SYK: variants seen among roughly 807,000 people sequenced by gnomAD.
The protein encoded by SYK is spleen associated tyrosine kinase.
In SYK, 16 loss-of-function variants were observed where a neutral mutation model predicts 77.8. The observed-to-expected ratio is 0.21, with a 90% CI of 0.14 to 0.31. The LOEUF is 0.31. Ranked by LOEUF, SYK falls within the 10% of genes least tolerant of loss-of-function variation. The pLI, the probability that SYK is intolerant of heterozygous loss-of-function variation, is 1.00. For synonymous variants in SYK, 312 were observed against 308.7 expected (o/e 1.01, Z -0.11); for missense variants, 529 against 814.4 (o/e 0.65, Z 4.26).
intron 1 of SYK, among the ~76,000 whole-genome samples, chr9:90,817,630 C>T (rs1219090802): frequency 6.6e-6 from 1 of 151,988 alleles, no homozygotes; most frequent in Non-Finnish European, 1.5e-5. Flanking sequence ...TTCTTTGATT[C>T]CATATCTGTG....
At chr9:90,838,618 C>T (rs570658557) in intron 1 of SYK, among the ~76,000 whole-genome samples, 1 of 152,186 alleles carries the variant, frequency 6.6e-6, no homozygotes, top group Non-Finnish European at 1.5e-5. Flanking sequence ...CCAGACCCAG[C>T]AGGCTGAGGG....
At chr9:90,840,548 C>A (rs1222839982) in intron 1 of SYK, among the ~76,000 whole-genome samples, 3 of 121,968 alleles carry the variant, frequency 2.5e-5, no homozygotes, top group Non-Finnish European at 5.0e-5. Context: ...GAAACCCCGT[C>A]TCTTCTAAAA....
chr9:90,895,677 T>TC lies in SYK; in HGVS notation c.*78dup. 1 of 1,366,718 alleles carries TC rather than the reference T, an allele frequency of 7.3e-7. No individual in the cohort carries two copies. The highest frequency in any genetic ancestry group is 1.7e-5 in the Admixed American group (1 of 58,946). 84.7% of individuals were successfully genotyped at this position (1,366,718 alleles called of 1,614,324 possible). A position where few individuals can be genotyped will look rare whatever the true frequency, so the allele number is the denominator to read the frequency against. On this transcript the variant is annotated 3_prime_UTR_variant, in exon 14 of 14. Coordinates refer to ENST00000375754, the MANE Select transcript of SYK (RefSeq NM_003177.7). The surrounding 1 kb of genome is among the most constrained non-coding windows in gnomAD (Gnocchi z 4.4). Reference sequence around the variant, plus strand: ...AAAATGTATCCAGAGGAATTGATTGTCAGCCACCTCCCTCTGCCAGTCGGG... The same window carrying TC: ...AAAATGTATCCAGAGGAATTGATTGTCCAGCCACCTCCCTCTGCCAGTCGGG...
In SYK at chr9:90,898,391, T is replaced by A. The variant is rs970369928; in HGVS notation, c.*2791T>A. 7 of 227,478 alleles carry A rather than the reference T, an allele frequency of 3.1e-5. No individual in the cohort carries two copies. The Admixed American group carries it at 4.0e-4, about 13-fold the overall frequency. 14.1% of individuals were successfully genotyped at this position (227,478 alleles called of 1,614,324 possible). On this transcript the variant is annotated 3_prime_UTR_variant, in exon 14 of 14. Transcript: ENST00000375754. ...ACTGCAAGTCGGCCTGGATTTTCAC[T>A]TGCAGAGGCTACAGCTGCATTGTCA...
rs937681280 is a variant in SYK, at chr9:90,860,496, T to C, written c.579-1710T>C. Among the ~76,000 whole-genome samples, 3 of 152,148 alleles carry C rather than the reference T, an allele frequency of 2.0e-5. No individual in the cohort carries two copies. In the South Asian group the frequency reaches 6.2e-4, roughly 32 times the overall value. On this transcript the variant is annotated intron_variant, in intron 3 of 13. Coordinates refer to ENST00000375754, the MANE Select transcript of SYK (RefSeq NM_003177.7). ...ACCAACTGCTGGCTGTAGTCGGCCA[T>C]GTGGCTGTGAAAAGGGAGCTCACAC... is the stretch of plus-strand genomic sequence containing the variant.
At chr9:90,865,151 T>C in intron 6 of SYK, 54 bp downstream of exon 6, 2 of 1,556,376 alleles carry the variant, frequency 1.3e-6, no homozygotes, top group African/African-American at 1.4e-5. Context: ...ATTTCACAAA[T>C]GAAAAGCATG....
At position 90,844,092 on chromosome 9, in the gene SYK, C is replaced by T. The variant is rs149603234; in HGVS notation, c.194C>T (p.Thr65Ile). 9.9e-6 allele frequency: 16 copies of T among 1,612,946 alleles called. No individual in the cohort carries two copies. The highest frequency in any genetic ancestry group is 1.2e-5 in the Non-Finnish European group (14 of 1,179,516). The change falls in exon 2 of 14, where the codon ACC becomes ATC. Residue 65 changes from threonine (T) to isoleucine (I), a missense_variant. By Grantham distance (89) the Thr-to-Ile change is moderately conservative. Around this residue, in one of 2 missense-constraint regions of SYK, gnomAD observed 321 missense variants for 433.1 expected, o/e 0.74. Transcript: ENST00000375754. ...VAHGRKAHHY[T>I]IERELNGTYA... The stretch of plus-strand genomic sequence containing the variant: ...CACGGGAGGAAGGCACACCACTACA[C>T]CATCGAGCGGGAGCTGAATGGCACC...
At position 90,817,845 on chromosome 9, in the gene SYK, TTGTGTGTGTGTGTG is replaced by T. The variant is rs746939088; in HGVS notation, c.-42+15977_-42+15990del. Reference sequence around the variant, plus strand: ...AATATTTCCTCCCTTCTCAATAATGTTGTGTGTGTGTGTGTGTGTGTGTGTGTGTGTGTGTGTGA... The same window carrying T: ...AATATTTCCTCCCTTCTCAATAATGTTGTGTGTGTGTGTGTGTGTGTGTGA... On this transcript the variant is annotated intron_variant, in intron 1 of 13. Coordinates refer to ENST00000375754, the MANE Select transcript of SYK (RefSeq NM_003177.7). Among the ~76,000 whole-genome samples, 1,085 of 137,608 alleles carry T rather than the reference TTGTGTGTGTGTGTG, an allele frequency of 7.9e-3. 11 individuals carry two copies. The highest frequency in any genetic ancestry group is 0.048 in the East Asian group (208 of 4,332). 90.3% of individuals were successfully genotyped at this position (137,608 alleles called of 152,430 possible).
chr9:90,862,159 G>A, intron 3 of SYK, 47 bp from the exon 4 acceptor site: 1 of 1,562,376 alleles, frequency 6.4e-7, no homozygotes, highest in South Asian at 1.2e-5. Context: ...GGTCCCACCT[G>A]GAGACTGGCG....
chr9:90,859,570 T>C (rs540680012), intron 3 of SYK, among the ~76,000 whole-genome samples: 2 of 152,346 alleles, frequency 1.3e-5, no homozygotes, highest in South Asian at 2.1e-4. Context: ...ATAAGTAGCC[T>C]TGGGGTGCAT....
intron 3 of SYK, among the ~76,000 whole-genome samples, chr9:90,848,547 G>C (rs545818308): frequency 1.1e-4 from 16 of 152,342 alleles, no homozygotes; most frequent in African/African-American, 3.8e-4. Flanking sequence ...AGTCACTGCT[G>C]GATGTCCTCA....
chr9:90,860,679 C>T (rs1204094293), intron 3 of SYK, among the ~76,000 whole-genome samples: 1 of 152,164 alleles, frequency 6.6e-6, no homozygotes, highest in Non-Finnish European at 1.5e-5. Context: ...CATGGCCAAG[C>T]ACCGCTAGAA....
chr9:90,815,535 C>T (rs1355028613), intron 1 of SYK, among the ~76,000 whole-genome samples: 3 of 152,226 alleles, frequency 2.0e-5, no homozygotes, highest in Non-Finnish European at 1.5e-5. Flanking sequence ...ATGATTCAGC[C>T]TGACTCCAGG....
intron 1 of SYK, among the ~76,000 whole-genome samples, chr9:90,840,112 A>C (rs1826238861): frequency 6.6e-6 from 1 of 152,178 alleles, no homozygotes; most frequent in Admixed American, 6.5e-5. Context: ...ACATGCACCA[A>C]GGGCGCCTGG....
chr9:90,890,835 G>A (rs1366505339), intron 13 of SYK, among the ~76,000 whole-genome samples: 2 of 152,186 alleles, frequency 1.3e-5, no homozygotes, highest in African/African-American at 2.4e-5. Context: ...ACCTGAGCTC[G>A]TTGCCTCACG....
intron 7 of SYK, among the ~76,000 whole-genome samples, chr9:90,868,407 A>G (rs1028597971): frequency 2.6e-5 from 4 of 152,218 alleles, no homozygotes; most frequent in Non-Finnish European, 5.9e-5. Flanking sequence ...ATATGTGTAG[A>G]TAACAACCAT....
intron 1 of SYK, among the ~76,000 whole-genome samples, chr9:90,815,178 A>T (rs1825244528): frequency 6.6e-6 from 1 of 152,250 alleles, no homozygotes; most frequent in African/African-American, 2.4e-5. Context: ...GTAGAGAGGT[A>T]ACGTGTTTCT....
intron 1 of SYK, among the ~76,000 whole-genome samples, chr9:90,813,324 T>C (rs936388433): frequency 6.6e-6 from 1 of 152,088 alleles, no homozygotes; most frequent in Non-Finnish European, 1.5e-5. Context: ...CCCAGCCACC[T>C]CCATCAGCAC....
At position 90,884,810 on chromosome 9, in the gene SYK, C is replaced by CATGCACATATACACATATGTGTGTAT. The variant is rs1383673208; in HGVS notation, c.1582-2937_1582-2936insGCACATATACACATATGTGTGTATAT. On this transcript the variant is annotated intron_variant, in intron 11 of 13. Transcript: ENST00000375754. ...ACATGCACATATACACATATGTGTA[C>CATGCACATATACACATATGTGTGTAT]ATACACATATACACATATGTGTGTA... 5.0e-4 allele frequency among the ~76,000 whole-genome samples: 10 copies of CATGCACATATACACATATGTGTGTAT among 19,912 alleles called. 5 individuals carry two copies. The highest frequency in any genetic ancestry group is 3.1e-3 in the African/African-American group (10 of 3,216). 13.1% of individuals were successfully genotyped at this position (19,912 alleles called of 152,430 possible). A position where few individuals can be genotyped will look rare whatever the true frequency, so the allele number is the denominator to read the frequency against.
Sources: allele counts gnomAD v4.1 joint callset (sites outside exome capture counted in the v4.1 genomes callset), GRCh38; gene constraint gnomAD v4.1.1; regional missense constraint gnomAD v4.1.1; non-coding constraint Gnocchi (gnomAD v3.1); transcripts MANE v1.5; gene names NCBI Gene and HGNC (gene_info 2026-07-23, HGNC 2026-07-21).